MSI2: variants seen among roughly 807,000 people sequenced by gnomAD.
The protein encoded by MSI2 is musashi RNA binding protein 2, also known as RNA-binding protein Musashi homolog 2.
A neutral mutation model predicts 45.6 loss-of-function variants in MSI2; 17 were observed. That is an observed-to-expected ratio of 0.37 (90% CI 0.26 to 0.56). The LOEUF is 0.56. MSI2 is among the 20% of genes least tolerant of loss of function. The pLI is 0.77. For synonymous variants in MSI2, 156 were observed against 158.2 expected (o/e 0.99, Z 0.11); for missense variants, 293 against 444.2 (o/e 0.66, Z 3.06).
intron 6 of MSI2, among the ~76,000 whole-genome samples, chr17:57,409,108 T>G (rs1229771182): frequency 1.3e-5 from 2 of 152,160 alleles, no homozygotes; most frequent in African/African-American, 4.8e-5. Flanking sequence ...TGTACTTTAT[T>G]TACATTCGAA....
chr17:57,565,120 G>T (rs2087695981), intron 7 of MSI2, among the ~76,000 whole-genome samples: 1 of 152,176 alleles, frequency 6.6e-6, no homozygotes, highest in Non-Finnish European at 1.5e-5. Flanking sequence ...ATCAAAGGTG[G>T]TCTGACTTGA....
intron 6 of MSI2, among the ~76,000 whole-genome samples, chr17:57,403,048 C>T (rs566324446): frequency 2.0e-5 from 3 of 152,278 alleles, no homozygotes; most frequent in Admixed American, 1.3e-4. Context: ...GGAGGGTGAG[C>T]CCTCTTTGCT....
rs113529419 is a variant in MSI2 at position 57,503,985 on chromosome 17, C to T, written c.406-25691C>T. Among the ~76,000 whole-genome samples, 1,278 of 152,322 alleles carry T rather than the reference C, an allele frequency of 8.4e-3. 16 individuals carry two copies. The highest frequency in any genetic ancestry group is 0.03 in the African/African-American group (1,235 of 41,570). On this transcript the variant is annotated intron_variant, in intron 6 of 13. Transcript: ENST00000284073. ...TCCTGACCTCATGATCTGCCCGCCT[C>T]AGCCTCCCAGAGTGCTGGGATTACA...
intron 5 of MSI2, among the ~76,000 whole-genome samples, chr17:57,269,698 A>T (rs575527707): frequency 7.9e-5 from 12 of 152,234 alleles, no homozygotes; most frequent in African/African-American, 2.6e-4. Context: ...CGTGATCGTG[A>T]CCTCACCATG....
chr17:57,539,706 C>A (rs114542543), intron 7 of MSI2, among the ~76,000 whole-genome samples: 1 of 143,514 alleles, frequency 7.0e-6, no homozygotes, highest in Non-Finnish European at 1.5e-5. Context: ...TCCCAGACAA[C>A]GTGCTATTAT....
At chr17:57,689,575 TA>T (rs1913943407), downstream of MSI2, among the ~76,000 whole-genome samples, 1 of 152,226 alleles carries the variant, frequency 6.6e-6, no homozygotes, top group South Asian at 2.1e-4. Context: ...GCATCCATTT[TA>T]AGTGCACAAT....
chr17:57,524,299 C>T (rs1318774706), intron 6 of MSI2, among the ~76,000 whole-genome samples: 2 of 152,220 alleles, frequency 1.3e-5, no homozygotes, highest in African/African-American at 4.8e-5. Flanking sequence ...TAGACTCCAC[C>T]TCTTTGGGGG....
chr17:57,564,643 G>A (rs1598404948), intron 7 of MSI2, among the ~76,000 whole-genome samples: 1 of 152,334 alleles, frequency 6.6e-6, no homozygotes, highest in African/African-American at 2.4e-5. Context: ...CATTTATGGA[G>A]CTTGCAGCCT....
intron 9 of MSI2, among the ~76,000 whole-genome samples, chr17:57,618,824 G>C (rs531537055): frequency 1.3e-5 from 2 of 152,182 alleles, no homozygotes; most frequent in African/African-American, 4.8e-5. Context: ...TTACAGGCGT[G>C]AGCCACTGCG....
chr17:57,469,120 TG>T (rs910264800), intron 6 of MSI2, among the ~76,000 whole-genome samples: 1 of 152,184 alleles, frequency 6.6e-6, no homozygotes, highest in African/African-American at 2.4e-5. Flanking sequence ...AGAGCCTCTT[TG>T]TGCTCTGAAA....
At chr17:57,377,051 G>A (rs997229448) in intron 5 of MSI2, among the ~76,000 whole-genome samples, 1 of 151,966 alleles carries the variant, frequency 6.6e-6, no homozygotes, top group Non-Finnish European at 1.5e-5. Flanking sequence ...CTCCCAAGTA[G>A]CTGGGACTAC....
At chr17:57,501,590 C>G (rs997192487) in intron 6 of MSI2, among the ~76,000 whole-genome samples, 1 of 152,234 alleles carries the variant, frequency 6.6e-6, no homozygotes, top group Non-Finnish European at 1.5e-5. Context: ...TCCAAGTCGT[C>G]TCTCTCAGTG....
chr17:57,619,383 C>T (rs1908063609), intron 9 of MSI2, among the ~76,000 whole-genome samples: 1 of 152,218 alleles, frequency 6.6e-6, no homozygotes, highest in Admixed American at 6.5e-5. Context: ...TGATGCGTAA[C>T]ATGAATTGCA....
At chr17:57,297,015 C>T (rs1037706728) in intron 5 of MSI2, among the ~76,000 whole-genome samples, 8 of 152,222 alleles carry the variant, frequency 5.3e-5, no homozygotes, top group Admixed American at 2.6e-4. Context: ...GCTGGGACTA[C>T]AGGCCCGCGC....
At chr17:57,413,433 C>T (rs1043307394) in intron 6 of MSI2, among the ~76,000 whole-genome samples, 4 of 150,118 alleles carry the variant, frequency 2.7e-5, no homozygotes, top group Non-Finnish European at 4.4e-5. Flanking sequence ...AGAGTTGAAC[C>T]GATGTAGGCC....
chr17:57,502,850 C>G (rs2086146789), intron 6 of MSI2, among the ~76,000 whole-genome samples: 1 of 151,878 alleles, frequency 6.6e-6, no homozygotes, highest in African/African-American at 2.4e-5. Flanking sequence ...TCCATGGCCC[C>G]CAAGTGGTCT....
In MSI2 at chr17:57,378,040, A is replaced by C. The variant is rs934330938; in HGVS notation, c.313-23339A>C. On this transcript the variant is annotated intron_variant, in intron 5 of 13. Coordinates refer to ENST00000284073, the MANE Select transcript of MSI2 (RefSeq NM_138962.4). The stretch of plus-strand genomic sequence containing the variant: ...CAGTGAACCGAGATTGCACCACTGC[A>C]CTCCAGCCTGGGTGACAGAGCGAGA... 2.7e-5 allele frequency among the ~76,000 whole-genome samples: 4 copies of C among 150,088 alleles called. No homozygotes were observed. In the East Asian group the frequency reaches 7.9e-4, roughly 30 times the overall value.
At chr17:57,699,773 G>A in the MSI2 span, among the ~76,000 whole-genome samples, 11 of 152,338 alleles carry the variant, frequency 7.2e-5, no homozygotes, top group East Asian at 1.4e-3. Flanking sequence ...GTGGATGGGG[G>A]CCAAGGAGCA....
intron 5 of MSI2, among the ~76,000 whole-genome samples, chr17:57,302,147 G>A (rs968027133): frequency 6.6e-6 from 1 of 152,066 alleles, no homozygotes. Context: ...TACTTTTGGG[G>A]TACATACGAT....
Sources: allele counts gnomAD v4.1 joint callset (sites outside exome capture counted in the v4.1 genomes callset), GRCh38; gene constraint gnomAD v4.1.1; transcripts MANE v1.5; gene names NCBI Gene and HGNC (gene_info 2026-07-23, HGNC 2026-07-21).